DRC3: variants seen among roughly 807,000 people sequenced by gnomAD.
DRC3 encodes dynein regulatory complex subunit 3.
In DRC3, 45 loss-of-function variants were observed where a neutral mutation model predicts 57.6. The ratio of observed to expected loss-of-function variants is 0.78; its 90% CI spans 0.62 to 1.00. The LOEUF (loss-of-function observed/expected upper bound fraction) is 1.00. Among genes scored for constraint, DRC3 ranks in the 50% least tolerant of loss-of-function variants. DRC3 has a pLI of 0.00. For synonymous variants in DRC3, 257 were observed against 272.3 expected, an observed-to-expected ratio of 0.94 and a Z score of 0.55; for missense variants, 655 against 675.2, an observed-to-expected ratio of 0.97 and a Z score of 0.33.
chr17:18,009,332 C>T (rs1410603776), intron 12 of DRC3, among the ~76,000 whole-genome samples: 2 of 152,088 alleles, frequency 1.3e-5, no homozygotes, highest in Non-Finnish European at 2.9e-5. Flanking sequence ...TTACTTGAGC[C>T]TGGGAAGTCA....
chr17:18,016,429 G>A, intron 13 of DRC3, 129 bp from the exon 14 acceptor site: 3 of 793,342 alleles, frequency 3.8e-6, no homozygotes, highest in Non-Finnish European at 6.1e-6. Context: ...CAGAACCTGG[G>A]GAGGCGCTGA....
rs766085744 is a variant in DRC3 at position 17,983,934 on chromosome 17, G to C, written c.267G>C (p.Leu89=). 1.2e-6 allele frequency: 2 copies of C among 1,609,068 alleles called. No individual in the cohort carries two copies. Among genetic ancestry groups the C allele is most frequent in the African/African-American group, 1.3e-5 (1 of 74,904 alleles). Residue 89 remains leucine, a synonymous_variant, in exon 4 of 14, where the codon CTG becomes CTC. Transcript: ENST00000399187. Reference sequence around the variant, plus strand: ...AGGGCCTGGAGAACCTCGCACACCTGGTCTGGCTGGGTAAGGCCCTTTCCT... The same window carrying C: ...AGGGCCTGGAGAACCTCGCACACCTCGTCTGGCTGGGTAAGGCCCTTTCCT... ...KIEGLENLAH[L]VWLDLSFNNI... is the part of the protein sequence containing the mutation.
In DRC3 at chr17:18,007,068, T is replaced by TCCTGGAGATCTCTATCAGCAC; in HGVS notation, c.1256_1276dup (p.Ile419_Glu425dup). 2 of 1,442,546 alleles carry TCCTGGAGATCTCTATCAGCAC rather than the reference T, an allele frequency of 1.4e-6. No individual in the cohort carries two copies. Among genetic ancestry groups the TCCTGGAGATCTCTATCAGCAC allele is most frequent in the Non-Finnish European group, 1.8e-6 (2 of 1,085,912 alleles). 89.4% of individuals were successfully genotyped at this position (1,442,546 alleles called of 1,614,324 possible). A position where few individuals can be genotyped will look rare whatever the true frequency, so the allele number is the denominator to read the frequency against. Reference sequence around the variant, plus strand: ...CTGGAGAATCACCACCACGAGAAGCTCCTGGAGATCTCTATCAGCACCCTG... The same window carrying TCCTGGAGATCTCTATCAGCAC: ...CTGGAGAATCACCACCACGAGAAGCTCCTGGAGATCTCTATCAGCACCCTGGAGATCTCTATCAGCACCCTG... On this transcript the variant is annotated inframe_insertion, in exon 12 of 14. Coordinates refer to ENST00000399187, the MANE Select transcript of DRC3 (RefSeq NM_031294.4).
At chr17:17,979,170 A>C (rs79761684) in intron 3 of DRC3, among the ~76,000 whole-genome samples, 1 of 152,196 alleles carries the variant, frequency 6.6e-6, no homozygotes, top group East Asian at 1.9e-4. Context: ...AAAGTGGAGC[A>C]GCCAGTGCAA....
At chr17:17,980,286 T>TTG (rs146538428) in intron 3 of DRC3, among the ~76,000 whole-genome samples, 1 of 104,042 alleles carries the variant, frequency 9.6e-6, no homozygotes, top group African/African-American at 2.7e-5. Flanking sequence ...ATTGTTGTTG[T>TTG]TTTTTTTTTT....
At chr17:18,006,349 A>G (rs1477306993) in intron 11 of DRC3, 96 bp downstream of exon 11, 3 of 910,096 alleles carry the variant, frequency 3.3e-6, no homozygotes, top group Non-Finnish European at 5.3e-6. Context: ...ACAGGGTCTG[A>G]GGAGGTTTCC....
intron 5 of DRC3, among the ~76,000 whole-genome samples, chr17:17,989,268 G>A (rs1340489060): frequency 2.0e-5 from 3 of 152,324 alleles, no homozygotes; most frequent in Middle Eastern, 3.4e-3. Flanking sequence ...CAGGGTCCCT[G>A]GACGAGGTCA....
At chr17:17,978,673 G>A (rs2042506760) in intron 3 of DRC3, among the ~76,000 whole-genome samples, 1 of 152,216 alleles carries the variant, frequency 6.6e-6, no homozygotes, top group African/African-American at 2.4e-5. Context: ...ACAGCCCCAC[G>A]AAGCCCATAG....
intron 2 of DRC3, among the ~76,000 whole-genome samples, chr17:17,976,991 G>A (rs1303412859): frequency 6.6e-6 from 1 of 152,204 alleles, no homozygotes; most frequent in African/African-American, 2.4e-5. Flanking sequence ...GCTCCGATGG[G>A]CACTCTCATT....
At chr17:17,991,697 C>G (rs2043240369) in intron 5 of DRC3, among the ~76,000 whole-genome samples, 1 of 152,178 alleles carries the variant, frequency 6.6e-6, no homozygotes, top group African/African-American at 2.4e-5. Context: ...TTAACATTTT[C>G]CTCATTTTAC....
chr17:17,981,692 T>A (rs886898224), intron 3 of DRC3: 7 of 152,174 alleles, frequency 4.6e-5, no homozygotes, highest in South Asian at 2.1e-4. Flanking sequence ...GATTTTTATT[T>A]TTTTTTATTT....
In DRC3 at chr17:17,974,971, G is replaced by A. The variant is rs538199336; in HGVS notation, c.-18+1009G>A. Among the ~76,000 whole-genome samples, 33 of 152,282 alleles carry A rather than the reference G, an allele frequency of 2.2e-4. No individual in the cohort carries two copies. The East Asian group carries it at 6.4e-3, about 29-fold the overall frequency. On this transcript the variant is annotated intron_variant, in intron 2 of 13. Coordinates refer to ENST00000399187, the MANE Select transcript of DRC3 (RefSeq NM_031294.4). ...CACCTTTTACAGATGGGAAAGCCAA[G>A]GCTTAGATAGGTGAAGTGAGTTGCC...
chr17:17,986,484 T>G (rs544081808), intron 4 of DRC3, among the ~76,000 whole-genome samples: 3 of 151,492 alleles, frequency 2.0e-5, no homozygotes, highest in Non-Finnish European at 4.4e-5. Context: ...TTTTTTTTTT[T>G]TTGGACACAA....
intron 9 of DRC3, among the ~76,000 whole-genome samples, chr17:18,001,176 C>G (rs1367744657): frequency 1.3e-5 from 2 of 151,898 alleles, no homozygotes; most frequent in Non-Finnish European, 2.9e-5. Flanking sequence ...TTCTCATAAC[C>G]TACTACCATC....
rs200835875 is a variant in DRC3 at position 17,983,979 on chromosome 17, G to A, written c.277+35G>A. 7.1e-5 allele frequency: 96 copies of A among 1,350,616 alleles called. No homozygotes were observed. In the Middle Eastern group the frequency reaches 2.2e-3, roughly 31 times the overall value. 83.7% of individuals were successfully genotyped at this position (1,350,616 alleles called of 1,614,324 possible). On this transcript the variant is annotated intron_variant, in intron 4 of 13. Coordinates refer to ENST00000399187, the MANE Select transcript of DRC3 (RefSeq NM_031294.4). ...TTTCCTCTGTGTGTCCACCCTAATCGAAGGTGACACCCTGACAAGGTTATT... is the reference window on the plus strand; with the variant it reads ...TTTCCTCTGTGTGTCCACCCTAATCAAAGGTGACACCCTGACAAGGTTATT...
chr17:17,983,868 G>C lies in DRC3; in HGVS notation c.201G>C (p.Leu67Phe). ...ACAACCTCTGGCAGTTTGAGAACTT[G>C]AGGAAGCTGCAGCTGGACAATAACA... ...RIDNLWQFEN[L>F]RKLQLDNNII... Residue 67 changes from leucine (L) to phenylalanine (F), a missense_variant, in exon 4 of 14, where the codon TTG (leucine) becomes TTC (phenylalanine). Physicochemically the swap from Leu to Phe is conservative, Grantham distance 22. Coordinates refer to ENST00000399187, the MANE Select transcript of DRC3 (RefSeq NM_031294.4). 6.2e-7 allele frequency: 1 copy of C among 1,613,636 alleles called. No homozygotes were observed. The highest frequency in any genetic ancestry group is 8.5e-7 in the Non-Finnish European group (1 of 1,179,622).
In DRC3 at chr17:18,016,554, T is replaced by C. The variant is rs1245119873; in HGVS notation, c.1459-4T>C. The C allele has an allele frequency of 1.2e-6, 2 of 1,607,292 alleles. No individual in the cohort carries two copies. The highest frequency in any genetic ancestry group is 1.7e-6 in the Non-Finnish European group (2 of 1,174,324). On this transcript the variant is annotated splice_region_variant and splice_polypyrimidine_tract_variant and intron_variant, in intron 13 of 13. Transcript: ENST00000399187. The stretch of plus-strand genomic sequence containing the variant: ...AGGAATCGGGCTTTGGTTTCACTCC[T>C]CAGATTCACAAGGATGAGATCATGA...
At chr17:18,012,700 C>T (rs2044211715) in intron 12 of DRC3, among the ~76,000 whole-genome samples, 2 of 151,582 alleles carry the variant, frequency 1.3e-5, no homozygotes, top group Non-Finnish European at 2.9e-5. Flanking sequence ...AAAAAAAAGA[C>T]CTGAAACTAT....
chr17:17,974,463 C>G (rs1874649931), intron 2 of DRC3, among the ~76,000 whole-genome samples: 1 of 152,156 alleles, frequency 6.6e-6, no homozygotes, highest in Non-Finnish European at 1.5e-5. Flanking sequence ...CCTCCGCCTC[C>G]CGGTTTCAAG....
Sources: gnomAD v4.1 joint callset for allele counts (sites outside exome capture counted in the v4.1 genomes callset) on GRCh38, gnomAD v4.1.1 for gene constraint, MANE v1.5 for transcripts, NCBI Gene and HGNC (gene_info 2026-07-23, HGNC 2026-07-21) for gene names.